Variants in NEK10 observed in about 807,000 individuals in gnomAD.
The protein encoded by NEK10 is serine/threonine-protein kinase Nek10.
NEK10 carries 122 observed loss-of-function variants against 159.8 expected under a neutral mutation model. The observed-to-expected ratio is 0.76, with a 90% CI of 0.66 to 0.89. The LOEUF (loss-of-function observed/expected upper bound fraction) is 0.89, where lower values mean the gene tolerates loss of function less well. NEK10 is among the 40% of genes least tolerant of loss of function. The pLI is 0.00. For missense variants in NEK10, 1,342 were observed against 1,323.1 expected, an observed-to-expected ratio of 1.01 and a Z score of -0.22; for synonymous variants, 466 against 457.1, an observed-to-expected ratio of 1.02 and a Z score of -0.25.
At chr3:27,304,468 T>G (rs1223511237) in intron 12 of NEK10, among the ~76,000 whole-genome samples, 3 of 152,226 alleles carry the variant, frequency 2.0e-5, no homozygotes, top group Non-Finnish European at 4.4e-5. Flanking sequence ...TCATTATATT[T>G]GCAGATTGAT....
chr3:27,133,090 C>T (rs980530180), intron 31 of NEK10, among the ~76,000 whole-genome samples: 1 of 152,148 alleles, frequency 6.6e-6, no homozygotes. Flanking sequence ...TGTGTTTTCT[C>T]CACCACTGTC....
At chr3:27,230,668 T>A (rs1331404878) in intron 23 of NEK10, among the ~76,000 whole-genome samples, 2 of 150,890 alleles carry the variant, frequency 1.3e-5, no homozygotes, top group African/African-American at 2.4e-5. Flanking sequence ...AGGACAGGGG[T>A]GAAAAAAGAT....
rs574338333 is a variant in NEK10, at chr3:27,260,563, A to G, written c.2015-4192T>C. ...GTTGAACCAGCCTTGCATCCCAGGG[A>G]TGAAGCCCACTTGATCATGGTGGAT... On this transcript the variant is annotated intron_variant, in intron 22 of 35. Coordinates refer to ENST00000691995, the MANE Select transcript of NEK10 (RefSeq NM_001394966.1). 1.9e-3 allele frequency among the ~76,000 whole-genome samples: 288 copies of G among 152,312 alleles called. 1 individual carries two copies. The highest frequency in any genetic ancestry group is 6.5e-3 in the African/African-American group (272 of 41,562).
At chr3:27,219,958 C>T (rs1282223630) in intron 23 of NEK10, among the ~76,000 whole-genome samples, 3 of 152,020 alleles carry the variant, frequency 2.0e-5, no homozygotes, top group African/African-American at 7.2e-5. Flanking sequence ...ATTAAGAAAA[C>T]AATTTATTTA....
At chr3:27,114,119 C>T (rs1940020679) in intron 35 of NEK10, among the ~76,000 whole-genome samples, 1 of 152,178 alleles carries the variant, frequency 6.6e-6, no homozygotes. Context: ...AGCTACGAGG[C>T]TGGCCAAGCC....
chr3:27,238,288 A>G (rs1346794768), intron 23 of NEK10, among the ~76,000 whole-genome samples: 1 of 152,144 alleles, frequency 6.6e-6, no homozygotes, highest in Non-Finnish European at 1.5e-5. Flanking sequence ...TAATATCAGT[A>G]TTTGTGTATG....
At chr3:27,266,424 T>C (rs181786918) in intron 22 of NEK10, among the ~76,000 whole-genome samples, 1 of 152,322 alleles carries the variant, frequency 6.6e-6, no homozygotes, top group East Asian at 1.9e-4. Flanking sequence ...CTGCACCATT[T>C]GTTGGAAATA....
chr3:27,156,939 T>G (rs1355594108), intron 30 of NEK10, among the ~76,000 whole-genome samples: 7 of 61,430 alleles, frequency 1.1e-4, no homozygotes, highest in African/African-American at 4.1e-4. Context: ...GATATATATA[T>G]ATATATATAT....
At chr3:27,135,896 G>C (rs753539696) in intron 31 of NEK10, among the ~76,000 whole-genome samples, 1 of 152,128 alleles carries the variant, frequency 6.6e-6, no homozygotes, top group Non-Finnish European at 1.5e-5. Context: ...AGATGAGCAG[G>C]TATGGATGGT....
chr3:27,368,608 C>G (rs1559578203), intron 1 of NEK10, among the ~76,000 whole-genome samples: 1 of 152,056 alleles, frequency 6.6e-6, no homozygotes, highest in Non-Finnish European at 1.5e-5. Context: ...GATAGTGATG[C>G]CCAAAATAGG....
At chr3:27,230,426 A>C (rs576418500) in intron 23 of NEK10, among the ~76,000 whole-genome samples, 1 of 152,244 alleles carries the variant, frequency 6.6e-6, no homozygotes, top group African/African-American at 2.4e-5. Flanking sequence ...ACCTTAAAGC[A>C]TACATCTCAG....
At chr3:27,159,399 T>A (rs1945797510) in intron 30 of NEK10, among the ~76,000 whole-genome samples, 1 of 152,134 alleles carries the variant, frequency 6.6e-6, no homozygotes, top group Non-Finnish European at 1.5e-5. Context: ...AAAAATGAAT[T>A]TAAATTGAGT....
chr3:27,278,587 C>G, intron 22 of NEK10: 1 of 534,308 alleles, frequency 1.9e-6, no homozygotes, highest in Non-Finnish European at 2.4e-6. Context: ...TTCACATAGC[C>G]TGTTTGTTTG....
At chr3:27,356,331 C>T (rs545338760) in intron 1 of NEK10, among the ~76,000 whole-genome samples, 123 of 152,170 alleles carry the variant, frequency 8.1e-4, no homozygotes, top group Admixed American at 3.5e-3. Context: ...GGGCAACATA[C>T]CAAGACTCCA....
At chr3:27,112,848 A>C (rs1439056071) in intron 35 of NEK10, among the ~76,000 whole-genome samples, 1 of 152,180 alleles carries the variant, frequency 6.6e-6, no homozygotes, top group African/African-American at 2.4e-5. Context: ...GCAGTCTACT[A>C]ATTCTAAATA....
intron 23 of NEK10, among the ~76,000 whole-genome samples, chr3:27,229,908 C>T (rs1464922413): frequency 6.6e-6 from 1 of 151,884 alleles, no homozygotes; most frequent in Non-Finnish European, 1.5e-5. Flanking sequence ...AATTGGTGTT[C>T]CTGAGGGAAA....
chr3:27,346,740 C>T (rs1053598359), intron 3 of NEK10, among the ~76,000 whole-genome samples: 1 of 152,190 alleles, frequency 6.6e-6, no homozygotes, highest in Non-Finnish European at 1.5e-5. Flanking sequence ...CAGGTGTACA[C>T]ACTATTTTCC....
intron 23 of NEK10, among the ~76,000 whole-genome samples, chr3:27,245,851 A>C (rs1157523036): frequency 6.6e-6 from 1 of 152,200 alleles, no homozygotes; most frequent in Non-Finnish European, 1.5e-5. Context: ...AAAGTAACAC[A>C]TCTTATCACT....
chr3:27,268,410 C>G (rs2041075369), intron 22 of NEK10, among the ~76,000 whole-genome samples: 1 of 152,186 alleles, frequency 6.6e-6, no homozygotes, highest in South Asian at 2.1e-4. Context: ...AAAGAACAGG[C>G]TGGCTCTCTT....
Sources: gnomAD v4.1 joint callset for allele counts (sites outside exome capture counted in the v4.1 genomes callset) on GRCh38, gnomAD v4.1.1 for gene constraint, MANE v1.5 for transcripts, NCBI Gene and HGNC (gene_info 2026-07-23, HGNC 2026-07-21) for gene names.